Variants in TLK1 observed in about 807,000 individuals in gnomAD.
The protein encoded by TLK1 is tousled like kinase 1.
A neutral mutation model predicts 105.3 loss-of-function variants in TLK1; 24 were observed. The ratio of observed to expected loss-of-function variants is 0.23; its 90% CI spans 0.17 to 0.32. The LOEUF (loss-of-function observed/expected upper bound fraction) is 0.32, where lower values mean the gene tolerates loss of function less well. TLK1 is among the 10% of genes least tolerant of loss of function. The pLI is 1.00. For synonymous variants in TLK1, 321 were observed against 310.4 expected (o/e 1.03, Z -0.36); for missense variants, 558 against 910.5 (o/e 0.61, Z 4.98).
At chr2:171,048,208 C>A (rs1170967576) in intron 10 of TLK1, among the ~76,000 whole-genome samples, 1 of 144,832 alleles carries the variant, frequency 6.9e-6, no homozygotes. Context: ...CTCGGCCTCC[C>A]AAAGTGCTGG....
chr2:171,128,916 T>C (rs1690980535), intron 1 of TLK1, among the ~76,000 whole-genome samples: 1 of 152,204 alleles, frequency 6.6e-6, no homozygotes, highest in Non-Finnish European at 1.5e-5. Flanking sequence ...ATAGTTTATA[T>C]CCACTCAACT....
Position 171,124,426 on chromosome 2 carries a change from AT to A in TLK1, c.140-6570del, listed in dbSNP as rs537088759. Among the ~76,000 whole-genome samples, 5 of 152,338 alleles carry A rather than the reference AT, an allele frequency of 3.3e-5. No homozygotes were observed. The South Asian group carries it at 1.0e-3, about 32-fold the overall frequency. On this transcript the variant is annotated intron_variant, in intron 1 of 20. Coordinates refer to ENST00000431350, the MANE Select transcript of TLK1 (RefSeq NM_012290.5). ...GAGGGCAGTTCTCTTTATTAAAAAAATTTCAATCTCAGCCTTTAGCTCAAAC... is the reference window on the plus strand; with the variant it reads ...GAGGGCAGTTCTCTTTATTAAAAAAATTCAATCTCAGCCTTTAGCTCAAAC...
At chr2:171,108,252 C>A (rs148229493) in intron 2 of TLK1, among the ~76,000 whole-genome samples, 1 of 152,130 alleles carries the variant, frequency 6.6e-6, no homozygotes, top group African/African-American at 2.4e-5. Flanking sequence ...AGATTATTTT[C>A]AAAGTAAAAA....
chr2:171,029,765 T>C (rs1034014249), intron 11 of TLK1, among the ~76,000 whole-genome samples: 4 of 152,132 alleles, frequency 2.6e-5, no homozygotes, highest in African/African-American at 4.8e-5. Context: ...CAACAAGGCT[T>C]ATTAGGGTCT....
intron 1 of TLK1, among the ~76,000 whole-genome samples, chr2:171,128,182 C>G (rs1466357594): frequency 1.3e-5 from 2 of 152,116 alleles, no homozygotes; most frequent in East Asian, 3.8e-4. Flanking sequence ...TGGCTTGCAT[C>G]AGAGTTACTA....
rs911716266 is a variant in TLK1, at chr2:171,160,827, C to G, written c.-399G>C. ...GGCACCTCTGCAGTGCGTCGGCCCC[C>G]GGCGTCGCCCGGGAGGCGGCGGCGG... On this transcript the variant is annotated 5_prime_UTR_variant, in exon 1 of 21. Transcript: ENST00000431350. The surrounding 1 kb of genome is among the most constrained non-coding windows in gnomAD (Gnocchi z 4.4). 45 of 342,630 alleles carry G rather than the reference C, an allele frequency of 1.3e-4. No homozygotes were observed. Among genetic ancestry groups the G allele is most frequent in the Non-Finnish European group, 1.9e-4 (37 of 192,142 alleles). The allele number at this position is 342,630 out of a possible 1,614,324, so 21.2% of individuals were successfully genotyped here.
chr2:171,158,968 C>T (rs1692342547), intron 1 of TLK1, among the ~76,000 whole-genome samples: 1 of 152,144 alleles, frequency 6.6e-6, no homozygotes, highest in Non-Finnish European at 1.5e-5. Flanking sequence ...ATATTCATGC[C>T]AATCTTTAAG....
At chr2:171,206,230 T>C (rs532739002) in intron 1 of TLK1, among the ~76,000 whole-genome samples, 2 of 152,354 alleles carry the variant, frequency 1.3e-5, no homozygotes, top group East Asian at 1.9e-4. Context: ...GTTTTTGTTC[T>C]TTCCTAGAGG....
At chr2:171,016,196 C>T (rs1685206284) in intron 12 of TLK1, among the ~76,000 whole-genome samples, 1 of 152,210 alleles carries the variant, frequency 6.6e-6, no homozygotes, top group Admixed American at 6.5e-5. Context: ...GGCTGGAGCG[C>T]AGTGGCATGA....
Position 170,993,733 on chromosome 2 carries a change from G to GC in TLK1, c.*46dup. 1 of 1,407,264 alleles carries GC rather than the reference G, an allele frequency of 7.1e-7. No homozygotes were observed. Among genetic ancestry groups the GC allele is most frequent in the Non-Finnish European group, 9.5e-7 (1 of 1,055,070 alleles). 87.2% of individuals were successfully genotyped at this position (1,407,264 alleles called of 1,614,324 possible). On this transcript the variant is annotated 3_prime_UTR_variant, in exon 21 of 21. Transcript: ENST00000431350. Reference sequence around the variant, plus strand: ...CTCAAATGCTCTCAAACTTAAGTGTGCATCTGGAAGCAAATTCAAAGATAT... The same window carrying GC: ...CTCAAATGCTCTCAAACTTAAGTGTGCCATCTGGAAGCAAATTCAAAGATAT...
At chr2:171,114,691 C>T (rs1156754869) in intron 2 of TLK1, among the ~76,000 whole-genome samples, 2 of 152,036 alleles carry the variant, frequency 1.3e-5, no homozygotes, top group Admixed American at 6.6e-5. Flanking sequence ...AAAAATTAGC[C>T]GGGCACGGTG....
At position 170,993,685 on chromosome 2, in the gene TLK1, A is replaced by AT; in HGVS notation, c.*94_*95insA. ...GTCTTGTGTAAAAAAAAAAAAAAAA[A>AT]AAAAAGAAAAAGAAAACAAACACTC... On this transcript the variant is annotated 3_prime_UTR_variant, in exon 21 of 21. Transcript: ENST00000431350. The AT allele has an allele frequency of 1.0e-6, 1 of 994,246 alleles. No homozygotes were observed. The highest frequency in any genetic ancestry group is 1.7e-5 in the African/African-American group (1 of 59,060). The allele number at this position is 994,246 out of a possible 1,614,324, so 61.6% of individuals were successfully genotyped here.
At chr2:171,049,213 C>T (rs768387439) in intron 10 of TLK1, among the ~76,000 whole-genome samples, 3 of 152,010 alleles carry the variant, frequency 2.0e-5, no homozygotes, top group Non-Finnish European at 2.9e-5. Flanking sequence ...AATTGTACCC[C>T]GAACCTCAGT....
chr2:171,181,282 A>G (rs1156778482), intron 1 of TLK1, among the ~76,000 whole-genome samples: 2 of 152,228 alleles, frequency 1.3e-5, no homozygotes, highest in African/African-American at 4.8e-5. Context: ...GAATCATTCC[A>G]TGTGCTTCAT....
chr2:171,020,983 A>G (rs1451494872), intron 12 of TLK1, among the ~76,000 whole-genome samples: 1 of 152,184 alleles, frequency 6.6e-6, no homozygotes, highest in South Asian at 2.1e-4. Flanking sequence ...AGGTGTGTTC[A>G]ACTAGCTTAG....
chr2:171,017,873 C>T (rs1464098133), intron 12 of TLK1, among the ~76,000 whole-genome samples: 2 of 152,180 alleles, frequency 1.3e-5, no homozygotes, highest in Non-Finnish European at 2.9e-5. Flanking sequence ...TATAAACCCA[C>T]CATACTCAGT....
intron 3 of TLK1, among the ~76,000 whole-genome samples, chr2:171,066,654 A>C (rs1320855384): frequency 6.6e-6 from 1 of 152,192 alleles, no homozygotes; most frequent in Non-Finnish European, 1.5e-5. Context: ...GCATTCACAC[A>C]TGTTTAAAGG....
intron 1 of TLK1, among the ~76,000 whole-genome samples, chr2:171,176,704 A>T (rs1267253802): frequency 6.6e-6 from 1 of 151,736 alleles, no homozygotes; most frequent in African/African-American, 2.4e-5. Context: ...CCCTGCTTCC[A>T]CTCCTGCATT....
chr2:171,064,021 G>C (rs1180354994), intron 3 of TLK1, among the ~76,000 whole-genome samples: 1 of 152,160 alleles, frequency 6.6e-6, no homozygotes, highest in East Asian at 1.9e-4. Flanking sequence ...CTCTGAGGCA[G>C]AATTTCCCAG....
Sources: allele counts gnomAD v4.1 joint callset (sites outside exome capture counted in the v4.1 genomes callset), GRCh38; gene constraint gnomAD v4.1.1; non-coding constraint Gnocchi (gnomAD v3.1); transcripts MANE v1.5; gene names NCBI Gene and HGNC (gene_info 2026-07-23, HGNC 2026-07-21).